Variants in RSRP1 observed in about 807,000 individuals in gnomAD.
RSRP1 encodes arginine and serine rich protein 1, also known as arginine/serine-rich protein 1.
Under a neutral mutation model 33.0 loss-of-function variants are expected in RSRP1, and 37 were observed. The observed-to-expected ratio is 1.12, with a 90% CI of 0.86 to 1.48. RSRP1 has a LOEUF of 1.48. RSRP1 is among the 40% of genes most tolerant of loss of function. The pLI is 0.00. For missense variants in RSRP1, 402 were observed against 385.3 expected (o/e 1.04, Z -0.36); for synonymous variants, 167 against 158.7 (o/e 1.05, Z -0.40).
chr1:25,332,200 C>T lies in RSRP1; in HGVS notation c.-67+5778G>A, dbSNP rs1405406266. Reference sequence around the variant, plus strand: ...CACAGGCACACGCCACCACACCTAGCTACTTTTTGTATTTTTAGTAGAAAT... The same window carrying T: ...CACAGGCACACGCCACCACACCTAGTTACTTTTTGTATTTTTAGTAGAAAT... On this transcript the variant is annotated intron_variant, in intron 1 of 1. Coordinates refer to the RSRP1 transcript ENST00000561867. Among the ~76,000 whole-genome samples, 3 of 127,204 alleles carry T rather than the reference C, an allele frequency of 2.4e-5. 1 individual carries two copies. Among genetic ancestry groups the T allele is most frequent in the Admixed American group, 7.7e-5 (1 of 13,032 alleles). The allele number at this position is 127,204 out of a possible 152,430, so 83.5% of individuals were successfully genotyped here.
Position 25,292,469 on chromosome 1 carries a change from G to A in RSRP1, c.-66-45440C>T, listed in dbSNP as rs577199165. 1.4e-4 allele frequency among the ~76,000 whole-genome samples: 18 copies of A among 132,222 alleles called. 4 individuals are homozygous for A. Among genetic ancestry groups the A allele is most frequent in the Middle Eastern group, 4.1e-3 (1 of 242 alleles). The allele number at this position is 132,222 out of a possible 152,430, so 86.7% of individuals were successfully genotyped here. On this transcript the variant is annotated intron_variant, in intron 1 of 1. Transcript: ENST00000561867. The stretch of plus-strand genomic sequence containing the variant: ...TGTATTTTAATAGCAGAATTGACAG[G>A]ATTTGCTGATAGACTGCACGTGGGG...
rs1413749939 is a variant in RSRP1, at chr1:25,316,088, CG to C, written c.-67+21889del. Among the ~76,000 whole-genome samples, 11 of 131,106 alleles carry C rather than the reference CG, an allele frequency of 8.4e-5. 2 individuals are homozygous for C. Among genetic ancestry groups the C allele is most frequent in the Admixed American group, 8.1e-4 (11 of 13,502 alleles). The allele number at this position is 131,106 out of a possible 152,430, so 86.0% of individuals were successfully genotyped here. ...CAACTATCCGTGGGGCTGCAGTGAA[CG>C]GGCTGGCAGTGCCCAGGTGCAGGCT... On this transcript the variant is annotated intron_variant, in intron 1 of 1. Coordinates refer to the RSRP1 transcript ENST00000561867.
rs1277320012 is a variant in RSRP1 at position 25,333,237 on chromosome 1, CAG to C, written c.-67+4739_-67+4740del. Among the ~76,000 whole-genome samples the C allele has an allele frequency of 1.5e-5, 2 of 132,118 alleles. 1 individual carries two copies. The highest frequency in any genetic ancestry group is 3.6e-5 in the Non-Finnish European group (2 of 56,022). 86.7% of individuals were successfully genotyped at this position (132,118 alleles called of 152,430 possible). Reference sequence around the variant, plus strand: ...TCAATCTCTTCTGGAAATACCCTCACAGACACACTAACAAATAATGCCTTTCC... The same window carrying C: ...TCAATCTCTTCTGGAAATACCCTCACACACACTAACAAATAATGCCTTTCC... On this transcript the variant is annotated intron_variant, in intron 1 of 1. Coordinates refer to the RSRP1 transcript ENST00000561867.
Position 25,247,049 on chromosome 1 carries a change from A to G in RSRP1, c.-66-20T>C, listed in dbSNP as rs192755843. The stretch of plus-strand genomic sequence containing the variant: ...GACTTCCTAAAAAACCAAGAGAGAA[A>G]AAACAAGTCGAGTCGCGGAAGCCGG... On this transcript the variant is annotated intron_variant, in intron 1 of 4. Transcript: ENST00000243189. The G allele has an allele frequency of 7.4e-7, 1 of 1,347,434 alleles. No individual in the cohort carries two copies. Among genetic ancestry groups the G allele is most frequent in the Non-Finnish European group, 9.9e-7 (1 of 1,013,394 alleles). The allele number at this position is 1,347,434 out of a possible 1,614,324, so 83.5% of individuals were successfully genotyped here. A position where few individuals can be genotyped will look rare whatever the true frequency, so the allele number is the denominator to read the frequency against.
chr1:25,301,028 C>G, intron 1 of RSRP1: 1 of 1,377,628 alleles, frequency 7.3e-7, no homozygotes, highest in Non-Finnish European at 1.0e-6. Flanking sequence ...CTGCCAAAGC[C>G]TCTACCCGAG....
At chr1:25,298,673 A>G (rs1643132374) in intron 1 of RSRP1, among the ~76,000 whole-genome samples, 1 of 131,796 alleles carries the variant, frequency 7.6e-6, no homozygotes, top group Admixed American at 7.4e-5. Context: ...TTTTACCATC[A>G]TTTGTTCCCT....
chr1:25,263,268 G>C (rs1197052894), intron 1 of RSRP1, among the ~76,000 whole-genome samples: 6 of 152,182 alleles, frequency 3.9e-5, no homozygotes, highest in Non-Finnish European at 7.4e-5. Flanking sequence ...CCAGGAGCTA[G>C]AGCATGAAGA....
At position 25,334,958 on chromosome 1, in the gene RSRP1, CCTG is replaced by C. The variant is rs1196511653; in HGVS notation, c.-67+3017_-67+3019del. Among the ~76,000 whole-genome samples, 2 of 122,962 alleles carry C rather than the reference CCTG, an allele frequency of 1.6e-5. 1 individual carries two copies. The highest frequency in any genetic ancestry group is 3.7e-5 in the Non-Finnish European group (2 of 53,698). The allele number at this position is 122,962 out of a possible 152,430, so 80.7% of individuals were successfully genotyped here. ...GTTGCCATAAAGACCTCTGACATGC[CCTG>C]GAGACATTTTCCCCATTGTCTTGGG... On this transcript the variant is annotated intron_variant, in intron 1 of 1. Coordinates refer to the RSRP1 transcript ENST00000561867.
chr1:25,253,886 T>A (rs1319939213), intron 1 of RSRP1: 1 of 152,054 alleles, frequency 6.6e-6, no homozygotes, highest in Non-Finnish European at 1.5e-5. Flanking sequence ...GTGGTGGGGG[T>A]CAGCTTAGCT....
Position 25,331,770 on chromosome 1 carries a change from C to G in RSRP1, c.-67+6208G>C, listed in dbSNP as rs1319510201. ...TTTTTTTTTTTTTGAGACGGAGTCT[C>G]GCTCTGTTACCCAGGCTGGAGTGCA... On this transcript the variant is annotated intron_variant, in intron 1 of 1. Transcript: ENST00000561867. 2.4e-5 allele frequency among the ~76,000 whole-genome samples: 2 copies of G among 84,204 alleles called. 1 individual carries two copies. Among genetic ancestry groups the G allele is most frequent in the Admixed American group, 2.5e-4 (2 of 7,972 alleles). The allele number at this position is 84,204 out of a possible 152,430, so 55.2% of individuals were successfully genotyped here.
At chr1:25,285,350 T>A (rs1450787246) in intron 1 of RSRP1, among the ~76,000 whole-genome samples, 2 of 134,132 alleles carry the variant, frequency 1.5e-5, no homozygotes, top group African/African-American at 5.2e-5. Context: ...GTCAGGCTAG[T>A]CTCAAACTCC....
intron 3 of RSRP1, chr1:25,244,509 G>A (rs1639181116): frequency 1.6e-6 from 2 of 1,289,276 alleles, no homozygotes; most frequent in Non-Finnish European, 2.0e-6. Context: ...CTATAAGACA[G>A]AAATAGAGCA....
chr1:25,274,321 A>G lies in RSRP1; in HGVS notation c.-66-27292T>C, dbSNP rs530682770. ...GCCACCCTGGATTTAGTTTCCTTAC[A>G]CTTAACCATTATGCATCATGGCCCC... On this transcript the variant is annotated intron_variant, in intron 1 of 1. Transcript: ENST00000561867. Among the ~76,000 whole-genome samples, 309 of 132,108 alleles carry G rather than the reference A, an allele frequency of 2.3e-3. 86 individuals are homozygous for G. Among genetic ancestry groups the G allele is most frequent in the Non-Finnish European group, 4.5e-3 (253 of 55,680 alleles). The allele number at this position is 132,108 out of a possible 152,430, so 86.7% of individuals were successfully genotyped here.
rs675109 is a variant in RSRP1, at chr1:25,285,055, A to G, written c.-66-38026T>C. Reference sequence around the variant, plus strand: ...ATGATTTTGTAAAGTTACATAATCAATATAAGTTTATGGAAAACGTAAGAA... The same window carrying G: ...ATGATTTTGTAAAGTTACATAATCAGTATAAGTTTATGGAAAACGTAAGAA... On this transcript the variant is annotated intron_variant, in intron 1 of 1. Transcript: ENST00000561867. Among the ~76,000 whole-genome samples, 3 of 134,756 alleles carry G rather than the reference A, an allele frequency of 2.2e-5. 1 individual carries two copies. The highest frequency in any genetic ancestry group is 5.1e-5 in the African/African-American group (2 of 38,902). 88.4% of individuals were successfully genotyped at this position (134,756 alleles called of 152,430 possible).
At chr1:25,301,190 C>G (rs1303026962) in intron 1 of RSRP1, 2 of 1,110,428 alleles carry the variant, frequency 1.8e-6, no homozygotes, top group African/African-American at 3.1e-5. Context: ...TTACCAAGTT[C>G]CCCTGGGTGT....
chr1:25,245,397 G>C, intron 2 of RSRP1, 96 bp from the exon 3 acceptor site: 1 of 1,406,068 alleles, frequency 7.1e-7, no homozygotes, highest in Non-Finnish European at 9.5e-7. Context: ...TTATTTTGTG[G>C]TATTAAATAT....
rs1381630560 is a variant in RSRP1, at chr1:25,269,987, C to T, written c.-66-22958G>A. On this transcript the variant is annotated intron_variant, in intron 1 of 1. Transcript: ENST00000561867. ...ACATCTTTAGTGTTCATCTTGCTGACATCTGGTGCCCTCGGGCAGGTAGGT... is the reference window on the plus strand; with the variant it reads ...ACATCTTTAGTGTTCATCTTGCTGATATCTGGTGCCCTCGGGCAGGTAGGT... Among the ~76,000 whole-genome samples, 4 of 132,252 alleles carry T rather than the reference C, an allele frequency of 3.0e-5. 1 individual carries two copies. The highest frequency in any genetic ancestry group is 7.2e-5 in the Non-Finnish European group (4 of 55,816). 86.8% of individuals were successfully genotyped at this position (132,252 alleles called of 152,430 possible). A position where few individuals can be genotyped will look rare whatever the true frequency, so the allele number is the denominator to read the frequency against.
At position 25,242,601 on chromosome 1, in the gene RSRP1, C is replaced by A; in HGVS notation, c.861G>T (p.Trp287Cys). Residue 287 changes from tryptophan (W) to cysteine (C), a missense_variant, in exon 5 of 5, where the codon TGG becomes TGT. By Grantham distance (215) the Trp-to-Cys change is radical (BLOSUM62 -2). Coordinates refer to ENST00000243189, the MANE Select transcript of RSRP1 (RefSeq NM_020317.5). Reference protein sequence around the residue: ...IDQKKSPYGLWIPI With the variant: ...IDQKKSPYGLCIPI ...CAGTTTTCTTCTTTTAGATAGGTATCCACAGTCCATATGGACTTTTTTTCT... is the reference window on the plus strand; with the variant it reads ...CAGTTTTCTTCTTTTAGATAGGTATACACAGTCCATATGGACTTTTTTTCT... 2.5e-6 allele frequency: 4 copies of A among 1,601,816 alleles called. No homozygotes were observed. Among genetic ancestry groups the A allele is most frequent in the Non-Finnish European group, 3.4e-6 (4 of 1,171,234 alleles).
At chr1:25,261,831 C>A (rs1640166800) in intron 1 of RSRP1, among the ~76,000 whole-genome samples, 1 of 150,826 alleles carries the variant, frequency 6.6e-6, no homozygotes. Flanking sequence ...CCCACCTCTG[C>A]CTCCCGTGTA....
Sources: allele counts gnomAD v4.1 joint callset (sites outside exome capture counted in the v4.1 genomes callset), GRCh38; gene constraint gnomAD v4.1.1; transcripts MANE v1.5; gene names NCBI Gene and HGNC (gene_info 2026-07-23, HGNC 2026-07-21).